The following SCFD2 variants were observed in gnomAD, a reference collection of about 807,000 sequenced individuals.
SCFD2 encodes the protein sec1 family domain containing 2.
A neutral mutation model predicts 58.9 loss-of-function variants in SCFD2; 54 were observed. The observed-to-expected ratio is 0.92, with a 90% CI of 0.74 to 1.15. The LOEUF (loss-of-function observed/expected upper bound fraction) is 1.15, where lower values mean the gene tolerates loss of function less well. Ranked by LOEUF, SCFD2 falls within the 50% of genes most tolerant of loss-of-function variation. SCFD2 has a pLI of 0.00. For missense variants in SCFD2, 805 were observed against 836.6 expected, an observed-to-expected ratio of 0.96 and a Z score of 0.47; for synonymous variants, 321 against 335.9, an observed-to-expected ratio of 0.96 and a Z score of 0.49.
At chr4:53,028,238 C>T (rs138591801) in intron 5 of SCFD2, among the ~76,000 whole-genome samples, 13 of 151,566 alleles carry the variant, frequency 8.6e-5, no homozygotes, top group Non-Finnish European at 1.8e-4. Context: ...CAGAGCAAGA[C>T]CCTGTCTCAA....
At chr4:53,213,575 C>A (rs1276005911) in intron 4 of SCFD2, among the ~76,000 whole-genome samples, 1 of 152,106 alleles carries the variant, frequency 6.6e-6, no homozygotes, top group Non-Finnish European at 1.5e-5. Flanking sequence ...CAGGCAAATA[C>A]AGGATATAAA....
At chr4:53,243,205 A>T (rs902517317) in intron 4 of SCFD2, among the ~76,000 whole-genome samples, 2 of 152,198 alleles carry the variant, frequency 1.3e-5, no homozygotes, top group Non-Finnish European at 2.9e-5. Context: ...AAAATGAAAG[A>T]CAAAATGTTA....
chr4:53,334,453 G>C (rs1733608526), intron 2 of SCFD2, among the ~76,000 whole-genome samples: 1 of 151,402 alleles, frequency 6.6e-6, no homozygotes. Flanking sequence ...CCTTTGTAGG[G>C]ACATGGATGA....
chr4:53,106,394 C>T (rs1375059783), intron 5 of SCFD2, among the ~76,000 whole-genome samples: 1 of 152,144 alleles, frequency 6.6e-6, no homozygotes, highest in Non-Finnish European at 1.5e-5. Flanking sequence ...CAGAAGTAGG[C>T]TTCAGAAGGT....
chr4:52,985,975 C>T (rs1314649256), intron 5 of SCFD2, among the ~76,000 whole-genome samples: 1 of 151,924 alleles, frequency 6.6e-6, no homozygotes, highest in Non-Finnish European at 1.5e-5. Context: ...ATAATTTCTT[C>T]GAAGACACTG....
At chr4:52,911,274 G>A (rs1038048422) in intron 6 of SCFD2, among the ~76,000 whole-genome samples, 1 of 152,158 alleles carries the variant, frequency 6.6e-6, no homozygotes, top group Non-Finnish European at 1.5e-5. Context: ...GGGGAAAGCA[G>A]GAGTTATGGA....
intron 3 of SCFD2, among the ~76,000 whole-genome samples, chr4:53,308,977 A>T (rs59214826): frequency 0.017 from 2,608 of 151,960 alleles, 84 homozygotes; most frequent in African/African-American, 0.059. Flanking sequence ...AGATAAAAAT[A>T]AAAAAATTAG....
intron 5 of SCFD2, among the ~76,000 whole-genome samples, chr4:53,124,529 C>T (rs1290694960): frequency 2.0e-5 from 3 of 152,060 alleles, no homozygotes; most frequent in South Asian, 4.1e-4. Context: ...TAACTAGACT[C>T]GCTGTCAAGA....
In SCFD2 at chr4:52,990,769, A is replaced by G. The variant is rs1721597134; in HGVS notation, c.1562-69899T>C. On this transcript the variant is annotated intron_variant, in intron 5 of 8. Transcript: ENST00000401642. ...CTAGTTTTAGAATAAAGAAAAAAAAATAAGGGTAAAAGTCATGAAACATTT... is the reference window on the plus strand; with the variant it reads ...CTAGTTTTAGAATAAAGAAAAAAAAGTAAGGGTAAAAGTCATGAAACATTT... Among the ~76,000 whole-genome samples, 5 of 152,222 alleles carry G rather than the reference A, an allele frequency of 3.3e-5. No homozygotes were observed. In the South Asian group the frequency reaches 8.3e-4, roughly 25 times the overall value.
At chr4:53,043,044 C>T (rs1393862211) in intron 5 of SCFD2, among the ~76,000 whole-genome samples, 3 of 152,170 alleles carry the variant, frequency 2.0e-5, no homozygotes, top group African/African-American at 7.2e-5. Context: ...AATACCACCT[C>T]GCCATTTCTG....
At chr4:53,184,461 A>G (rs1727681213) in intron 4 of SCFD2, among the ~76,000 whole-genome samples, 1 of 152,168 alleles carries the variant, frequency 6.6e-6, no homozygotes, top group Non-Finnish European at 1.5e-5. Flanking sequence ...TATAGACAGC[A>G]GAACAACAGT....
At chr4:53,354,383 G>C (rs532188900) in intron 1 of SCFD2, among the ~76,000 whole-genome samples, 1 of 151,784 alleles carries the variant, frequency 6.6e-6, no homozygotes, top group Non-Finnish European at 1.5e-5. Context: ...GGGGCGCGCC[G>C]AGCCCACGCC....
intron 5 of SCFD2, among the ~76,000 whole-genome samples, chr4:53,116,131 C>T (rs1725311321): frequency 6.6e-6 from 1 of 152,088 alleles, no homozygotes; most frequent in Admixed American, 6.6e-5. Context: ...CTTTTTTGAG[C>T]AACCAGAATA....
At chr4:52,925,433 T>C (rs965721274) in intron 5 of SCFD2, among the ~76,000 whole-genome samples, 3 of 151,784 alleles carry the variant, frequency 2.0e-5, no homozygotes, top group Admixed American at 1.3e-4. Flanking sequence ...TGGAGGGAGT[T>C]GCAAGTAGCT....
intron 4 of SCFD2, among the ~76,000 whole-genome samples, chr4:53,262,266 G>C (rs767712515): frequency 1.3e-5 from 2 of 152,248 alleles, no homozygotes; most frequent in African/African-American, 4.8e-5. Flanking sequence ...TTAGTATTAA[G>C]ATGTCAGGTA....
At chr4:53,020,681 C>T (rs1722325640) in intron 5 of SCFD2, among the ~76,000 whole-genome samples, 1 of 152,164 alleles carries the variant, frequency 6.6e-6, no homozygotes, top group Admixed American at 6.5e-5. Context: ...CGTTTCCCAG[C>T]CTCCCCTGCA....
chr4:53,192,107 C>A (rs1293922936), intron 4 of SCFD2, among the ~76,000 whole-genome samples: 1 of 152,156 alleles, frequency 6.6e-6, no homozygotes, highest in Non-Finnish European at 1.5e-5. Flanking sequence ...GCTGACTTCT[C>A]TTAAAAATCT....
At chr4:53,330,470 C>A (rs56108443) in intron 2 of SCFD2, among the ~76,000 whole-genome samples, 1 of 151,926 alleles carries the variant, frequency 6.6e-6, no homozygotes, top group Non-Finnish European at 1.5e-5. Context: ...AATTTTCAAC[C>A]CAGAATTTCA....
At chr4:53,011,635 T>C (rs1722095627) in intron 5 of SCFD2, among the ~76,000 whole-genome samples, 1 of 152,326 alleles carries the variant, frequency 6.6e-6, no homozygotes, top group African/African-American at 2.4e-5. Context: ...CACTGGCTCC[T>C]TAAATAACTC....
Sources: gnomAD v4.1 joint callset for allele counts (sites outside exome capture counted in the v4.1 genomes callset) on GRCh38, gnomAD v4.1.1 for gene constraint, MANE v1.5 for transcripts, NCBI Gene and HGNC (gene_info 2026-07-23, HGNC 2026-07-21) for gene names.